Variants in AFF2 observed in about 807,000 individuals in gnomAD.
AFF2 encodes the protein AF4/FMR2 family member 2.
Under a neutral mutation model 76.9 loss-of-function variants are expected in AFF2, and 14 were observed. The observed-to-expected ratio is 0.18, with a 90% CI of 0.12 to 0.28. AFF2 has a LOEUF of 0.28. Ranked by LOEUF, AFF2 falls within the 10% of genes least tolerant of loss-of-function variation. The probability of loss-of-function intolerance (pLI) is 1.00; values close to 1 mark genes in which losing one functional copy is unlikely to be tolerated. For synonymous variants in AFF2, 398 were observed against 366.7 expected (o/e 1.09, Z -0.98); for missense variants, 868 against 1,001.1 (o/e 0.87, Z 1.79).
intron 1 of AFF2, among the ~76,000 whole-genome samples, chrX:148,587,246 T>C (rs1053583867): frequency 8.9e-6 from 1 of 112,031 alleles, no homozygotes; most frequent in Non-Finnish European, 1.9e-5. Context: ...TTAGGGGATA[T>C]GTACAAGAAG....
chrX:148,601,364 C>T (rs1187019231), intron 1 of AFF2, among the ~76,000 whole-genome samples: 1 of 111,862 alleles, frequency 8.9e-6, no homozygotes. Context: ...ATCTCACAGT[C>T]GGAGGTGAGT....
At chrX:148,848,697 TA>T (rs1557274996) in intron 7 of AFF2, among the ~76,000 whole-genome samples, 1 of 112,552 alleles carries the variant, frequency 8.9e-6, no homozygotes, top group East Asian at 2.8e-4. Context: ...ACTTGGAATT[TA>T]AAAATACTGC....
chrX:148,663,263 T>G (rs1458471188), intron 3 of AFF2, among the ~76,000 whole-genome samples: 1 of 111,985 alleles, frequency 8.9e-6, no homozygotes, highest in Non-Finnish European at 1.9e-5. Context: ...GAATTTTAGT[T>G]TCTTGAGTGA....
chrX:148,710,377 G>GA (rs2054952017), intron 3 of AFF2, among the ~76,000 whole-genome samples: 1 of 111,765 alleles, frequency 8.9e-6, no homozygotes, highest in Non-Finnish European at 1.9e-5. Flanking sequence ...ATAGACTTGA[G>GA]AGCAATACTT....
Position 148,872,415 on chromosome X carries a change from A to G in AFF2, c.1263-13474A>G, listed in dbSNP as rs1258940696. On this transcript the variant is annotated intron_variant, in intron 7 of 20. Coordinates refer to ENST00000370460, the MANE Select transcript of AFF2 (RefSeq NM_002025.4). ...ACTGGTTTATTGCACTTGGCATAAT[A>G]TTTTCAAGGCTTATTCATGTTGTAC... Among the ~76,000 whole-genome samples, 5 of 111,547 alleles carry G rather than the reference A, an allele frequency of 4.5e-5. No homozygotes were observed. The East Asian group carries it at 1.4e-3, about 32-fold the overall frequency.
chrX:148,578,322 C>A (rs1290596368), intron 1 of AFF2, among the ~76,000 whole-genome samples: 3 of 111,319 alleles, frequency 2.7e-5, no homozygotes, highest in Non-Finnish European at 5.7e-5. Flanking sequence ...AACTTCCCAG[C>A]ATCCTTCTTC....
At chrX:148,631,322 G>A (rs1232950310) in intron 1 of AFF2, among the ~76,000 whole-genome samples, 1 of 111,718 alleles carries the variant, frequency 9.0e-6, no homozygotes, top group Non-Finnish European at 1.9e-5. Context: ...TTTTGCATAC[G>A]ATTGCTTTAA....
At chrX:148,986,857 A>C (rs782448429) in intron 19 of AFF2, among the ~76,000 whole-genome samples, 1 of 112,963 alleles carries the variant, frequency 8.9e-6, no homozygotes, top group African/African-American at 3.2e-5. Flanking sequence ...AACACTTGTT[A>C]TATGTATTCA....
rs144660189 is a variant in AFF2, at chrX:148,860,518, G to A, written c.1262+17085G>A. On this transcript the variant is annotated intron_variant, in intron 7 of 20. Coordinates refer to ENST00000370460, the MANE Select transcript of AFF2 (RefSeq NM_002025.4). ...ATCATTTTGAATAGAGCAAAATGAC[G>A]CTGGAAAAGAGCTAGGGCTGAGCTG... is the stretch of plus-strand genomic sequence containing the variant. Among the ~76,000 whole-genome samples, 15 of 111,591 alleles carry A rather than the reference G, an allele frequency of 1.3e-4. No homozygotes were observed. The East Asian group carries it at 4.3e-3, about 32-fold the overall frequency.
At position 148,501,040 on chromosome X, in the gene AFF2, C is replaced by T. The variant is rs1557231728; in HGVS notation, c.-58C>T. On this transcript the variant is annotated 5_prime_UTR_variant, in exon 1 of 21. Transcript: ENST00000370460. Reference sequence around the variant, plus strand: ...ACCGCCAGCGAGCTGTGCCGAGAGCCGCGCCGACCCGCTGCGATCAGGGAC... The same window carrying T: ...ACCGCCAGCGAGCTGTGCCGAGAGCTGCGCCGACCCGCTGCGATCAGGGAC... 3.8e-5 allele frequency: 45 copies of T among 1,189,287 alleles called. No individual in the cohort carries two copies. The highest frequency in any genetic ancestry group is 5.7e-6 in the Non-Finnish European group (5 of 884,404).
At chrX:148,721,233 G>A (rs782010709) in intron 3 of AFF2, among the ~76,000 whole-genome samples, 2 of 111,949 alleles carry the variant, frequency 1.8e-5, no homozygotes, top group Non-Finnish European at 3.8e-5. Context: ...AATTGGACAG[G>A]CCTGACAAAA....
intron 3 of AFF2, among the ~76,000 whole-genome samples, chrX:148,714,454 G>A (rs1412223471): frequency 9.0e-6 from 1 of 111,364 alleles, no homozygotes; most frequent in Non-Finnish European, 1.9e-5. Context: ...AGAAAACTCT[G>A]AAACTCAAGG....
In AFF2 at chrX:148,826,386, T is replaced by TA. The variant is rs1199538539; in HGVS notation, c.1087-11250dup. ...TCTTGTGTGATTGTTACCTTTTAATTAAAAAAAAAAAGACTTGGTAGTGAA... is the reference window on the plus strand; with the variant it reads ...TCTTGTGTGATTGTTACCTTTTAATTAAAAAAAAAAAAGACTTGGTAGTGAA... On this transcript the variant is annotated intron_variant, in intron 4 of 20. Coordinates refer to ENST00000370460, the MANE Select transcript of AFF2 (RefSeq NM_002025.4). Among the ~76,000 whole-genome samples, 449 of 103,204 alleles carry TA rather than the reference T, an allele frequency of 4.4e-3. 6 individuals are homozygous for TA. The highest frequency in any genetic ancestry group is 0.034 in the Admixed American group (330 of 9,611). 89.6% of individuals were successfully genotyped at this position (103,204 alleles called of 115,157 possible).
intron 1 of AFF2, among the ~76,000 whole-genome samples, chrX:148,555,191 T>C (rs1161224322): frequency 1.8e-5 from 2 of 112,059 alleles, no homozygotes; most frequent in East Asian, 2.8e-4. Flanking sequence ...ACATGTTGTG[T>C]AAGCTGCTCA....
At chrX:148,859,502 T>G (rs2070822769) in intron 7 of AFF2, among the ~76,000 whole-genome samples, 1 of 111,122 alleles carries the variant, frequency 9.0e-6, no homozygotes, top group Non-Finnish European at 1.9e-5. Context: ...CCAGAAGTTC[T>G]AAAAGATGAA....
intron 1 of AFF2, among the ~76,000 whole-genome samples, chrX:148,581,597 CGT>C (rs2053409091): frequency 9.5e-6 from 1 of 105,332 alleles, no homozygotes; most frequent in Non-Finnish European, 1.9e-5. Context: ...CACATATATA[CGT>C]ATACGTGTAC....
At chrX:148,963,710 T>A (rs1444034186) in intron 13 of AFF2, among the ~76,000 whole-genome samples, 5 of 111,636 alleles carry the variant, frequency 4.5e-5, no homozygotes, top group African/African-American at 1.6e-4. Flanking sequence ...CTGACATAAA[T>A]GCCGTGGGTG....
intron 8 of AFF2, among the ~76,000 whole-genome samples, chrX:148,900,695 G>C (rs1325879670): frequency 9.0e-6 from 1 of 111,331 alleles, no homozygotes; most frequent in Admixed American, 9.5e-5. Flanking sequence ...GGAAAATATG[G>C]AATCATCCTA....
chrX:148,922,799 A>G (rs2071610256), intron 9 of AFF2, among the ~76,000 whole-genome samples: 4 of 111,749 alleles, frequency 3.6e-5, no homozygotes, highest in African/African-American at 1.3e-4. Flanking sequence ...TCTGTTTTTC[A>G]CTTACCATCC....
Sources: allele counts gnomAD v4.1 joint callset (sites outside exome capture counted in the v4.1 genomes callset), GRCh38; gene constraint gnomAD v4.1.1; transcripts MANE v1.5; gene names NCBI Gene and HGNC (gene_info 2026-07-23, HGNC 2026-07-21).